HSD17B11: variants seen among roughly 807,000 people sequenced by gnomAD.
The protein encoded by HSD17B11 is estradiol 17-beta-dehydrogenase 11.
A neutral mutation model predicts 27.8 loss-of-function variants in HSD17B11; 22 were observed. The ratio of observed to expected loss-of-function variants is 0.79; its 90% CI spans 0.56 to 1.13. The LOEUF is 1.13. Among genes scored for constraint, HSD17B11 ranks in the 50% most tolerant of loss-of-function variants. The pLI is 0.00. For missense variants in HSD17B11, 314 were observed against 351.1 expected (o/e 0.89, Z 0.84); for synonymous variants, 117 against 132.8 (o/e 0.88, Z 0.82).
Position 87,372,825 on chromosome 4 carries a change from G to A in HSD17B11, c.451-10C>T, listed in dbSNP as rs762653576. Reference sequence around the variant, plus strand: ...GAAATGCCTTTGTAGTCTACAAATAGTTTTTATTAAAAGAGAAAAAATACT... The same window carrying A: ...GAAATGCCTTTGTAGTCTACAAATAATTTTTATTAAAAGAGAAAAAATACT... On this transcript the variant is annotated splice_polypyrimidine_tract_variant and intron_variant, in intron 3 of 6. Transcript: ENST00000358290. 2 of 1,534,496 alleles carry A rather than the reference G, an allele frequency of 1.3e-6. No individual in the cohort carries two copies. The highest frequency in any genetic ancestry group is 2.2e-5 in the South Asian group (2 of 89,142).
chr4:87,339,482 T>C (rs1735123850), intron 6 of HSD17B11, among the ~76,000 whole-genome samples: 1 of 152,216 alleles, frequency 6.6e-6, no homozygotes, highest in African/African-American at 2.4e-5. Flanking sequence ...TCTTTAGAAG[T>C]GAGATCAAGG....
intron 4 of HSD17B11, among the ~76,000 whole-genome samples, chr4:87,371,414 T>C (rs1167728487): frequency 6.6e-6 from 1 of 152,084 alleles, no homozygotes; most frequent in Non-Finnish European, 1.5e-5. Context: ...GTGGTTACCT[T>C]TGGGAAGGAA....
intron 4 of HSD17B11, among the ~76,000 whole-genome samples, chr4:87,367,670 T>G (rs1292307308): frequency 6.6e-6 from 1 of 152,226 alleles, no homozygotes; most frequent in African/African-American, 2.4e-5. Context: ...TGTTATTAAA[T>G]TCTAGTCTCA....
In HSD17B11 at chr4:87,357,948, AATTTTTTTT is replaced by A. The variant is rs1270189995; in HGVS notation, c.558-541_558-533del. On this transcript the variant is annotated intron_variant, in intron 4 of 6. Transcript: ENST00000358290. ...TTTGTAACTGAACATTCATTAGAGAAATTTTTTTTTTTTTTTTTTTTTTTTTTTTTTGAG... is the reference window on the plus strand; with the variant it reads ...TTTGTAACTGAACATTCATTAGAGAATTTTTTTTTTTTTTTTTTTTTTGAG... Among the ~76,000 whole-genome samples the A allele has an allele frequency of 7.2e-5, 7 of 97,314 alleles. 1 individual carries two copies. In the East Asian group the frequency reaches 1.0e-3, roughly 15 times the overall value. The allele number at this position is 97,314 out of a possible 152,430, so 63.8% of individuals were successfully genotyped here.
chr4:87,344,765 A>G (rs913226723), intron 5 of HSD17B11, among the ~76,000 whole-genome samples: 26 of 152,206 alleles, frequency 1.7e-4, no homozygotes, highest in African/African-American at 6.0e-4. Flanking sequence ...GCAAATCTCA[A>G]TATGTTTTAA....
intron 5 of HSD17B11, among the ~76,000 whole-genome samples, chr4:87,342,814 G>T (rs1041902336): frequency 2.6e-5 from 4 of 152,172 alleles, no homozygotes; most frequent in African/African-American, 9.7e-5. Context: ...AAATCTTGGA[G>T]ATTTGATAGG....
At chr4:87,357,738 A>G (rs974052814) in intron 4 of HSD17B11, among the ~76,000 whole-genome samples, 1 of 152,176 alleles carries the variant, frequency 6.6e-6, no homozygotes, top group Non-Finnish European at 1.5e-5. Context: ...CAGTGTCACT[A>G]TAAGCTGTTC....
chr4:87,347,073 A>G (rs1420124167), intron 5 of HSD17B11, among the ~76,000 whole-genome samples: 3 of 129,390 alleles, frequency 2.3e-5, no homozygotes, highest in Non-Finnish European at 3.3e-5. Context: ...TCTCCTAGTG[A>G]TGATTTTAGG....
At chr4:87,356,244 G>A (rs1259604985) in intron 5 of HSD17B11, among the ~76,000 whole-genome samples, 3 of 152,062 alleles carry the variant, frequency 2.0e-5, no homozygotes, top group Admixed American at 6.5e-5. Context: ...ATACCCTTTG[G>A]CCCAGTAATC....
At chr4:87,339,587 A>T (rs1470608003) in intron 6 of HSD17B11, among the ~76,000 whole-genome samples, 1 of 152,200 alleles carries the variant, frequency 6.6e-6, no homozygotes, top group African/African-American at 2.4e-5. Flanking sequence ...TTTTTCTCCC[A>T]GCTGTCCTAA....
At chr4:87,347,116 C>CTTTTTTTTTTTTTTTTTT (rs70957224) in intron 5 of HSD17B11, among the ~76,000 whole-genome samples, 14 of 44,290 alleles carry the variant, frequency 3.2e-4, no homozygotes, top group African/African-American at 4.6e-4. Context: ...TTTTTTTTTT[C>CTTTTTTTTTTTTTTTTTT]TTTTTTTTTT....
intron 2 of HSD17B11, among the ~76,000 whole-genome samples, chr4:87,379,355 A>G (rs1323424517): frequency 1.3e-5 from 2 of 151,240 alleles, no homozygotes; most frequent in African/African-American, 4.9e-5. Context: ...TGTGCTGTAT[A>G]TAATGGGGTT....
In HSD17B11 at chr4:87,337,048, T is replaced by C. The variant is rs1735069504; in HGVS notation, c.*228A>G. The C allele has an allele frequency of 2.4e-6, 1 of 414,614 alleles. No homozygotes were observed. 25.7% of individuals were successfully genotyped at this position (414,614 alleles called of 1,614,324 possible). On this transcript the variant is annotated 3_prime_UTR_variant, in exon 7 of 7. Coordinates refer to ENST00000358290, the MANE Select transcript of HSD17B11 (RefSeq NM_016245.5). ...AATAAAGTCATTTTGGTTCTTTTTC[T>C]TCATTTTCCTTAAAGTCACCTCTAA...
rs558584518 is a variant in HSD17B11 at position 87,341,471 on chromosome 4, T to C, written c.696-865A>G. ...GCAGGCAGGAGCCACTGCAATTAGG[T>C]TTTGGCTTTGTTACTTAGTTCCATG... On this transcript the variant is annotated intron_variant, in intron 5 of 6. Transcript: ENST00000358290. Among the ~76,000 whole-genome samples the C allele has an allele frequency of 8.7e-4, 132 of 151,966 alleles. 2 individuals are homozygous for C. The South Asian group carries it at 0.026, about 30-fold the overall frequency.
chr4:87,372,022 C>A (rs956269102), intron 4 of HSD17B11, among the ~76,000 whole-genome samples: 1 of 152,064 alleles, frequency 6.6e-6, no homozygotes, highest in Non-Finnish European at 1.5e-5. Context: ...GCGGGCGGAT[C>A]ACGAGGTCAG....
intron 5 of HSD17B11, among the ~76,000 whole-genome samples, chr4:87,344,526 G>A (rs1219861377): frequency 6.6e-6 from 1 of 152,164 alleles, no homozygotes; most frequent in Non-Finnish European, 1.5e-5. Context: ...TAAAGGGAGG[G>A]AGACATAAGA....
intron 4 of HSD17B11, among the ~76,000 whole-genome samples, chr4:87,361,489 C>A (rs115887019): frequency 2.0e-5 from 3 of 152,110 alleles, no homozygotes; most frequent in Non-Finnish European, 4.4e-5. Context: ...TGCTTTCGGC[C>A]GGGCATGGTG....
chr4:87,369,959 T>C (rs1735678035), intron 4 of HSD17B11, among the ~76,000 whole-genome samples: 3 of 152,234 alleles, frequency 2.0e-5, no homozygotes, highest in Admixed American at 2.0e-4. Context: ...AAGCTTCACC[T>C]TCCACCATAA....
chr4:87,382,136 C>T (rs111275040), intron 2 of HSD17B11, 119 bp downstream of exon 2: 12 of 731,238 alleles, frequency 1.6e-5, no homozygotes, highest in Middle Eastern at 2.6e-4. Context: ...AGTTCTATAA[C>T]CTTGGTCAAA....
Sources: allele counts gnomAD v4.1 joint callset (sites outside exome capture counted in the v4.1 genomes callset), GRCh38; gene constraint gnomAD v4.1.1; transcripts MANE v1.5; gene names NCBI Gene and HGNC (gene_info 2026-07-23, HGNC 2026-07-21).